NRXN3: variants seen among roughly 807,000 people sequenced by gnomAD.
The protein encoded by NRXN3 is neurexin 3, also known as neurexin III.
In NRXN3, 32 loss-of-function variants were observed where a neutral mutation model predicts 137.6. That is an observed-to-expected ratio of 0.23 (90% CI 0.18 to 0.31). The LOEUF is 0.31. Among genes scored for constraint, NRXN3 ranks in the 10% least tolerant of loss-of-function variants. The pLI, the probability that NRXN3 is intolerant of heterozygous loss-of-function variation, is 1.00. For synonymous variants in NRXN3, 798 were observed against 784.5 expected (o/e 1.02, Z -0.29); for missense variants, 1,574 against 2,062.5 (o/e 0.76, Z 4.59).
intron 16 of NRXN3, among the ~76,000 whole-genome samples, chr14:79,650,426 A>G (rs1454567727): frequency 6.6e-6 from 1 of 152,120 alleles, no homozygotes. Context: ...AATTGTTATT[A>G]GAAACATCTC....
At chr14:79,756,531 T>C (rs1292198420) in intron 19 of NRXN3, among the ~76,000 whole-genome samples, 1 of 152,192 alleles carries the variant, frequency 6.6e-6, no homozygotes, top group Non-Finnish European at 1.5e-5. Flanking sequence ...GCTCTTCTTT[T>C]ATAGCTTTTG....
chr14:79,278,919 C>T (rs974638450), intron 15 of NRXN3, among the ~76,000 whole-genome samples: 5 of 152,218 alleles, frequency 3.3e-5, no homozygotes, highest in Non-Finnish European at 1.5e-5. Flanking sequence ...GCGGCACCAC[C>T]GCGTGCAGCA....
chr14:79,323,451 G>A (rs1158471529), intron 15 of NRXN3, among the ~76,000 whole-genome samples: 1 of 152,212 alleles, frequency 6.6e-6, no homozygotes, highest in Non-Finnish European at 1.5e-5. Context: ...ATAAAAGGAA[G>A]CTCTTTAGAA....
chr14:78,951,213 C>G (rs574490657), intron 10 of NRXN3, among the ~76,000 whole-genome samples: 4 of 152,060 alleles, frequency 2.6e-5, no homozygotes, highest in African/African-American at 9.7e-5. Context: ...CTACAGCAAC[C>G]AGAGTGATTC....
intron 16 of NRXN3, among the ~76,000 whole-genome samples, chr14:79,602,408 CTCTT>C (rs1436727906): frequency 3.9e-5 from 6 of 152,208 alleles, no homozygotes; most frequent in African/African-American, 9.6e-5. Flanking sequence ...GCTCACCCTA[CTCTT>C]TCTTCTCGGC....
At chr14:79,509,400 C>T (rs1211880909) in intron 16 of NRXN3, among the ~76,000 whole-genome samples, 2 of 151,950 alleles carry the variant, frequency 1.3e-5, no homozygotes, top group Non-Finnish European at 2.9e-5. Flanking sequence ...CCTGTAGTCC[C>T]AGCTACTTGG....
At chr14:78,827,284 A>T (rs942042079) in intron 10 of NRXN3, among the ~76,000 whole-genome samples, 1 of 151,660 alleles carries the variant, frequency 6.6e-6, no homozygotes, top group African/African-American at 2.4e-5. Flanking sequence ...AAAAAAAAAA[A>T]ATACAAAAGA....
intron 15 of NRXN3, among the ~76,000 whole-genome samples, chr14:79,241,478 G>T (rs113066682): frequency 0.028 from 4,323 of 152,188 alleles, 195 homozygotes; most frequent in African/African-American, 0.098. Context: ...GAGAACTTGT[G>T]CAGGGGAACT....
intron 1 of NRXN3, among the ~76,000 whole-genome samples, chr14:78,236,281 A>G (rs2066288253): frequency 1.3e-5 from 2 of 152,178 alleles, no homozygotes; most frequent in African/African-American, 4.8e-5. Flanking sequence ...CACTATTCTG[A>G]CATTTAACAG....
chr14:79,523,434 A>G (rs1412001884), intron 16 of NRXN3, among the ~76,000 whole-genome samples: 4 of 152,176 alleles, frequency 2.6e-5, no homozygotes. Flanking sequence ...TCTGTCCACC[A>G]TGCTGTCTAA....
At chr14:79,604,914 C>A (rs1343954091) in intron 16 of NRXN3, among the ~76,000 whole-genome samples, 1 of 151,980 alleles carries the variant, frequency 6.6e-6, no homozygotes, top group Non-Finnish European at 1.5e-5. Context: ...TACATGTAAT[C>A]CCAGCTACTC....
chr14:79,768,753 A>G (rs1309878305), intron 19 of NRXN3, among the ~76,000 whole-genome samples: 1 of 152,266 alleles, frequency 6.6e-6, no homozygotes, highest in African/African-American at 2.4e-5. Flanking sequence ...CTCACCAGCA[A>G]CGGAACAAAG....
At chr14:79,661,638 A>G (rs1270749363) in intron 16 of NRXN3, 2 of 152,210 alleles carry the variant, frequency 1.3e-5, no homozygotes, top group Non-Finnish European at 2.9e-5. Context: ...TAATGAATAC[A>G]TGAATGAATA....
chr14:78,618,400 C>G (rs961142402), intron 4 of NRXN3, among the ~76,000 whole-genome samples: 3 of 152,038 alleles, frequency 2.0e-5, no homozygotes, highest in Non-Finnish European at 2.9e-5. Flanking sequence ...CCACTTGACA[C>G]ATATTTACCC....
At chr14:79,242,449 A>G (rs766699934) in intron 15 of NRXN3, among the ~76,000 whole-genome samples, 1 of 152,142 alleles carries the variant, frequency 6.6e-6, no homozygotes, top group Non-Finnish European at 1.5e-5. Context: ...TAAATGTTAG[A>G]GACCTCTAAA....
intron 15 of NRXN3, among the ~76,000 whole-genome samples, chr14:79,337,736 A>G (rs573025184): frequency 6.6e-6 from 1 of 152,338 alleles, no homozygotes; most frequent in South Asian, 2.1e-4. Context: ...ACTAAATCTT[A>G]GGATGCCCAG....
chr14:79,154,760 A>G (rs2060108384), intron 15 of NRXN3, among the ~76,000 whole-genome samples: 1 of 151,960 alleles, frequency 6.6e-6, no homozygotes, highest in Admixed American at 6.6e-5. Flanking sequence ...AGAACACAAT[A>G]TAGACTACAT....
intron 16 of NRXN3, among the ~76,000 whole-genome samples, chr14:79,629,854 T>C (rs899323570): frequency 6.9e-6 from 1 of 144,914 alleles, no homozygotes; most frequent in Non-Finnish European, 1.5e-5. Context: ...CGTGTGTGTG[T>C]GTTATGCACA....
intron 16 of NRXN3, among the ~76,000 whole-genome samples, chr14:79,469,758 G>C (rs928430564): frequency 6.6e-5 from 10 of 152,144 alleles, no homozygotes; most frequent in Admixed American, 5.9e-4. Context: ...TGTGATTCTA[G>C]AGTGACCCTG....
Sources: allele counts gnomAD v4.1 joint callset (sites outside exome capture counted in the v4.1 genomes callset), GRCh38; gene constraint gnomAD v4.1.1; transcripts MANE v1.5; gene names NCBI Gene and HGNC (gene_info 2026-07-23, HGNC 2026-07-21).